The following PCDHAC1 variants were observed in gnomAD, a reference collection of about 807,000 sequenced individuals.
The protein encoded by PCDHAC1 is protocadherin alpha subfamily C, 1.
Under a neutral mutation model 60.0 loss-of-function variants are expected in PCDHAC1, and 42 were observed. The ratio of observed to expected loss-of-function variants is 0.70; its 90% CI spans 0.55 to 0.90. The LOEUF (loss-of-function observed/expected upper bound fraction) is 0.90, where lower values mean the gene tolerates loss of function less well. Among genes scored for constraint, PCDHAC1 ranks in the 40% least tolerant of loss-of-function variants. The pLI, the probability that PCDHAC1 is intolerant of heterozygous loss-of-function variation, is 0.00. For synonymous variants in PCDHAC1, 468 were observed against 499.3 expected, an observed-to-expected ratio of 0.94 and a Z score of 0.84; for missense variants, 1,160 against 1,222.3, an observed-to-expected ratio of 0.95 and a Z score of 0.76.
chr5:140,953,517 A>G (rs1554220954), intron 1 of PCDHAC1, among the ~76,000 whole-genome samples: 1 of 152,168 alleles, frequency 6.6e-6, no homozygotes, highest in African/African-American at 2.4e-5. Flanking sequence ...CAAAGCAACA[A>G]AAACGGGAAA....
chr5:141,004,178 T>G (rs527276653), intron 3 of PCDHAC1, among the ~76,000 whole-genome samples: 2 of 152,372 alleles, frequency 1.3e-5, no homozygotes, highest in South Asian at 2.1e-4. Flanking sequence ...CCAAGTGTCT[T>G]GAGTGCTCTT....
intron 2 of PCDHAC1, 176 bp downstream of exon 2, chr5:140,979,183 G>C (rs2096838721): frequency 1.1e-6 from 1 of 925,482 alleles, no homozygotes; most frequent in Admixed American, 6.2e-5. Context: ...CAAATGGTCA[G>C]TGCCAGATGC....
At chr5:140,945,034 C>T (rs1218648203) in intron 1 of PCDHAC1, among the ~76,000 whole-genome samples, 1 of 152,066 alleles carries the variant, frequency 6.6e-6, no homozygotes, top group East Asian at 1.9e-4. Flanking sequence ...ACATAATTAT[C>T]TTTGGTCTTA....
chr5:141,010,321 G>A lies in PCDHAC1; in HGVS notation c.*384G>A. The A allele has an allele frequency of 1.3e-6, 2 of 1,541,244 alleles. No individual in the cohort carries two copies. Among genetic ancestry groups the A allele is most frequent in the South Asian group, 1.2e-5 (1 of 82,726 alleles). On this transcript the variant is annotated 3_prime_UTR_variant, in exon 4 of 4. Transcript: ENST00000253807. ...GGCTGAAAAGTTTTGAGATTGAGCA[G>A]CTTGGGAGTTTGTGGCCACTGGGTA...
Position 141,000,421 on chromosome 5 carries a change from A to ATTTTTTT in PCDHAC1, c.2582-9189_2582-9183dup, listed in dbSNP as rs34755515. Among the ~76,000 whole-genome samples the ATTTTTTT allele has an allele frequency of 5.7e-4, 16 of 27,980 alleles. 1 individual carries two copies. Among genetic ancestry groups the ATTTTTTT allele is most frequent in the African/African-American group, 8.9e-4 (5 of 5,638 alleles). 18.4% of individuals were successfully genotyped at this position (27,980 alleles called of 152,430 possible). ...TATATATATATATATATATATATAT[A>ATTTTTTT]TTTTTTTTTTTTTTTTTTTTTTTGA... On this transcript the variant is annotated intron_variant, in intron 3 of 3. Coordinates refer to ENST00000253807, the MANE Select transcript of PCDHAC1 (RefSeq NM_018898.5).
At chr5:140,980,447 C>T (rs952861849) in intron 2 of PCDHAC1, among the ~76,000 whole-genome samples, 4 of 152,036 alleles carry the variant, frequency 2.6e-5, no homozygotes, top group Admixed American at 6.6e-5. Context: ...CTGGACAACA[C>T]GGTGAAACCC....
intron 1 of PCDHAC1, among the ~76,000 whole-genome samples, chr5:140,950,750 C>T (rs1320735521): frequency 3.3e-5 from 5 of 151,928 alleles, no homozygotes; most frequent in Non-Finnish European, 7.4e-5. Flanking sequence ...TCTCTCTATC[C>T]TTTCTGGACT....
At chr5:140,966,709 G>A (rs1447935100) in intron 1 of PCDHAC1, 4 of 1,387,174 alleles carry the variant, frequency 2.9e-6, no homozygotes, top group Non-Finnish European at 2.8e-6. Flanking sequence ...CGTGGGGCAC[G>A]GCTGGGGAAG....
At position 140,928,642 on chromosome 5, in the gene PCDHAC1, G is replaced by A. The variant is rs2085397273; in HGVS notation, c.1750G>A (p.Val584Ile). ...ARTGHLVTKVVAEDADSGSNA... is the reference protein window; with the variant it reads ...ARTGHLVTKVIAEDADSGSNA... ...GACTGGACACTTGGTCACAAAAGTG[G>A]TAGCAGAGGATGCTGACAGTGGTTC... The change falls in exon 1 of 4, where the codon GTA becomes ATA. Residue 584 changes from valine to isoleucine, a missense_variant. Coordinates refer to ENST00000253807, the MANE Select transcript of PCDHAC1 (RefSeq NM_018898.5). 1.2e-6 allele frequency: 2 copies of A among 1,614,114 alleles called. No individual in the cohort carries two copies. Among genetic ancestry groups the A allele is most frequent in the Non-Finnish European group, 8.5e-7 (1 of 1,180,044 alleles).
intron 3 of PCDHAC1, among the ~76,000 whole-genome samples, chr5:140,999,166 A>G (rs2097849848): frequency 6.6e-6 from 1 of 152,190 alleles, no homozygotes; most frequent in South Asian, 2.1e-4. Context: ...CTAGAAGGAA[A>G]AGAGCCTGAT....
At chr5:140,987,956 C>T (rs1270495363) in intron 3 of PCDHAC1, among the ~76,000 whole-genome samples, 2 of 152,144 alleles carry the variant, frequency 1.3e-5, no homozygotes, top group African/African-American at 4.8e-5. Flanking sequence ...ACAAAACCAA[C>T]TCCCCATGGA....
chr5:140,987,799 A>C (rs2097268880), intron 3 of PCDHAC1, among the ~76,000 whole-genome samples: 2 of 152,140 alleles, frequency 1.3e-5, no homozygotes, highest in South Asian at 4.1e-4. Flanking sequence ...GATTTTTTTA[A>C]AGTGCCTGTC....
chr5:140,987,462 A>C (rs2097255249), intron 3 of PCDHAC1, among the ~76,000 whole-genome samples: 1 of 152,154 alleles, frequency 6.6e-6, no homozygotes, highest in African/African-American at 2.4e-5. Flanking sequence ...AATTGTTAAG[A>C]GCTCAAGCTT....
At chr5:140,991,984 C>T (rs1393451773) in intron 3 of PCDHAC1, among the ~76,000 whole-genome samples, 1 of 151,632 alleles carries the variant, frequency 6.6e-6, no homozygotes, top group Non-Finnish European at 1.5e-5. Context: ...TTCTGCCTAC[C>T]ACCCGGTCTT....
intron 1 of PCDHAC1, among the ~76,000 whole-genome samples, chr5:140,960,274 C>A (rs1291069063): frequency 6.6e-6 from 1 of 152,130 alleles, no homozygotes. Context: ...ATTCCGTCAC[C>A]TTTTTGGGAC....
intron 1 of PCDHAC1, chr5:140,969,580 AT>A: frequency 2.2e-6 from 2 of 914,646 alleles, no homozygotes; most frequent in Non-Finnish European, 3.2e-6. Flanking sequence ...AGAAGTGAGG[AT>A]TAGTCTTAAT....
In PCDHAC1 at chr5:140,926,928, G is replaced by GT; in HGVS notation, c.36_37insT (p.Val13CysfsTer107). The GT allele has an allele frequency of 1.3e-6, 2 of 1,574,878 alleles. No homozygotes were observed. Among genetic ancestry groups the GT allele is most frequent in the South Asian group, 2.4e-5 (2 of 84,954 alleles). ...GTGGGGTGGCAGTTTTATGTTTGTGGGTTTCCTGCGGCGCTGCAGCGGGAC... is the reference window on the plus strand; with the variant it reads ...GTGGGGTGGCAGTTTTATGTTTGTGGTGTTTCCTGCGGCGCTGCAGCGGGAC... On this transcript the variant is annotated frameshift_variant, in exon 1 of 4. Transcript: ENST00000253807. LOFTEE classifies it high-confidence loss of function.
At chr5:141,002,559 G>C (rs2098085590) in intron 3 of PCDHAC1, among the ~76,000 whole-genome samples, 2 of 152,192 alleles carry the variant, frequency 1.3e-5, no homozygotes. Context: ...GGATCCACCA[G>C]TTAGTGACCA....
rs782636217 is a variant in PCDHAC1 at position 140,928,409 on chromosome 5, C to T, written c.1517C>T (p.Ala506Val). The T allele has an allele frequency of 1.9e-6, 3 of 1,614,030 alleles. No individual in the cohort carries two copies. The Admixed American group carries it at 5.0e-5, about 27-fold the overall frequency. Residue 506 changes from alanine (A) to valine (V), a missense_variant, in exon 1 of 4, where the codon GCC becomes GTC. By Grantham distance (64) the Ala-to-Val change is moderately conservative. This residue lies in a region of PCDHAC1 where 1,113 missense variants were observed against 1,163.7 expected (regional missense o/e 0.96). Coordinates refer to ENST00000253807, the MANE Select transcript of PCDHAC1 (RefSeq NM_018898.5). ...CTGGCAGTGGAATCATCCAGTGGGG[C>T]CATCACTGCCAAAACTTCCTTTGAC... ...SLLAVESSSGAITAKTSFDFE... is the reference protein window; with the variant it reads ...SLLAVESSSGVITAKTSFDFE...
Sources: allele counts gnomAD v4.1 joint callset (sites outside exome capture counted in the v4.1 genomes callset), GRCh38; gene constraint gnomAD v4.1.1; regional missense constraint gnomAD v4.1.1; transcripts MANE v1.5; gene names NCBI Gene and HGNC (gene_info 2026-07-23, HGNC 2026-07-21).